The following MDGA2 variants were observed in gnomAD, a reference collection of about 807,000 sequenced individuals.
MDGA2 encodes MAM domain containing glycosylphosphatidylinositol anchor 2, also known as MAM domain-containing glycosylphosphatidylinositol anchor protein 2.
MDGA2 carries 40 observed loss-of-function variants against 117.8 expected under a neutral mutation model. The ratio of observed to expected loss-of-function variants is 0.34; its 90% CI spans 0.26 to 0.44. MDGA2 has a LOEUF of 0.44. Ranked by LOEUF, MDGA2 falls within the 20% of genes least tolerant of loss-of-function variation. The pLI, the probability that MDGA2 is intolerant of heterozygous loss-of-function variation, is 1.00. For synonymous variants in MDGA2, 452 were observed against 439.0 expected (o/e 1.03, Z -0.37); for missense variants, 1,123 against 1,250.6 (o/e 0.90, Z 1.54).
intron 12 of MDGA2, 45 bp from the exon 13 acceptor site, chr14:46,874,245 A>T: frequency 5.5e-6 from 5 of 916,090 alleles, no homozygotes; most frequent in Non-Finnish European, 7.4e-6. Context: ...AAATTAATAC[A>T]CATACTGCAA....
intron 5 of MDGA2, among the ~76,000 whole-genome samples, chr14:47,120,084 C>T (rs1206650333): frequency 2.0e-5 from 3 of 152,110 alleles, no homozygotes; most frequent in Admixed American, 6.6e-5. Flanking sequence ...GACGCTTCAC[C>T]GGGAAGACTA....
At chr14:47,428,809 CA>C (rs1892741673) in intron 1 of MDGA2, among the ~76,000 whole-genome samples, 2 of 151,710 alleles carry the variant, frequency 1.3e-5, no homozygotes, top group Non-Finnish European at 2.9e-5. Context: ...AAAATACATA[CA>C]TATATATATA....
intron 2 of MDGA2, among the ~76,000 whole-genome samples, chr14:47,254,251 C>G (rs1887545041): frequency 6.6e-6 from 1 of 152,240 alleles, no homozygotes; most frequent in Admixed American, 6.5e-5. Flanking sequence ...GCTTGAATTT[C>G]TCCTCAGAAA....
At chr14:47,663,626 A>C (rs1209066404) in intron 1 of MDGA2, among the ~76,000 whole-genome samples, 1 of 152,194 alleles carries the variant, frequency 6.6e-6, no homozygotes, top group African/African-American at 2.4e-5. Context: ...TTTTCAGTTA[A>C]TTCTAATTTA....
At chr14:47,022,926 C>T (rs1888337552) in intron 8 of MDGA2, among the ~76,000 whole-genome samples, 1 of 152,070 alleles carries the variant, frequency 6.6e-6, no homozygotes, top group Admixed American at 6.5e-5. Flanking sequence ...CCAAATAGAA[C>T]AATGCTTGCA....
At chr14:46,903,761 C>T (rs1426745577) in intron 10 of MDGA2, among the ~76,000 whole-genome samples, 1 of 151,984 alleles carries the variant, frequency 6.6e-6, no homozygotes, top group Admixed American at 6.6e-5. Context: ...GGCAAAAAGC[C>T]TACTTTATCT....
chr14:47,212,936 G>T (rs1885939522), intron 3 of MDGA2, among the ~76,000 whole-genome samples: 1 of 152,058 alleles, frequency 6.6e-6, no homozygotes, highest in East Asian at 1.9e-4. Context: ...AATCTGTCCC[G>T]GTTGCTTCTG....
chr14:47,055,620 A>G (rs1889647523), intron 7 of MDGA2, among the ~76,000 whole-genome samples: 1 of 152,164 alleles, frequency 6.6e-6, no homozygotes, highest in Non-Finnish European at 1.5e-5. Flanking sequence ...TTTGCTAGTA[A>G]GCCCATGAGG....
chr14:47,446,216 G>A (rs889198131), intron 1 of MDGA2, among the ~76,000 whole-genome samples: 6 of 152,084 alleles, frequency 3.9e-5, no homozygotes, highest in Non-Finnish European at 8.8e-5. Context: ...AGGTAACAAA[G>A]CAAAAACATC....
chr14:47,549,074 G>A (rs1196607474), intron 1 of MDGA2, among the ~76,000 whole-genome samples: 1 of 152,130 alleles, frequency 6.6e-6, no homozygotes, highest in East Asian at 1.9e-4. Context: ...ACAAATCAGT[G>A]AGGATGGAGT....
chr14:47,213,768 T>C (rs1885972866), intron 3 of MDGA2, among the ~76,000 whole-genome samples: 1 of 152,164 alleles, frequency 6.6e-6, no homozygotes, highest in Non-Finnish European at 1.5e-5. Context: ...TTTCTGAGAA[T>C]ACTATTAGTC....
chr14:47,488,452 G>A (rs1894103882), intron 1 of MDGA2, among the ~76,000 whole-genome samples: 1 of 151,950 alleles, frequency 6.6e-6, no homozygotes, highest in African/African-American at 2.4e-5. Flanking sequence ...GACTGATTTA[G>A]TCTTAACAAT....
At chr14:47,231,677 C>G (rs1886695419) in intron 2 of MDGA2, among the ~76,000 whole-genome samples, 1 of 150,600 alleles carries the variant, frequency 6.6e-6, no homozygotes, top group South Asian at 2.1e-4. Context: ...AATAACACTA[C>G]CTGGGTTTCT....
At chr14:47,148,590 CT>C (rs1883040056) in intron 3 of MDGA2, among the ~76,000 whole-genome samples, 1 of 152,134 alleles carries the variant, frequency 6.6e-6, no homozygotes, top group Non-Finnish European at 1.5e-5. Context: ...AATCTGGATC[CT>C]GTGTATGACA....
rs1191305840 is a variant in MDGA2 at position 46,969,959 on chromosome 14, T to C, written c.1820-12316A>G. On this transcript the variant is annotated intron_variant, in intron 8 of 16. Transcript: ENST00000399232. ...ATATATATATATATATATATATATA[T>C]ATATATATATATATATATGGAATAA... Among the ~76,000 whole-genome samples the C allele has an allele frequency of 1.8e-3, 84 of 46,194 alleles. 1 individual carries two copies. In the Middle Eastern group the frequency reaches 0.058, roughly 32 times the overall value. The allele number at this position is 46,194 out of a possible 152,430, so 30.3% of individuals were successfully genotyped here.
chr14:47,626,847 C>A (rs899478980), intron 1 of MDGA2, among the ~76,000 whole-genome samples: 1 of 152,240 alleles, frequency 6.6e-6, no homozygotes, highest in African/African-American at 2.4e-5. Context: ...GCGCCGCCCC[C>A]TGCTCCACAG....
chr14:47,287,816 A>G (rs150643400), intron 2 of MDGA2, among the ~76,000 whole-genome samples: 372 of 152,294 alleles, frequency 2.4e-3, no homozygotes, highest in Admixed American at 4.4e-3. Flanking sequence ...ATACTGGAAT[A>G]GAGTGAGCCC....
chr14:47,370,020 A>G (rs1566757829), intron 1 of MDGA2, among the ~76,000 whole-genome samples: 2 of 152,030 alleles, frequency 1.3e-5, no homozygotes, highest in Admixed American at 6.5e-5. Flanking sequence ...TAAATCTTCA[A>G]TAATTCTGAC....
chr14:46,843,526 AG>A (rs1880700496), intron 16 of MDGA2, among the ~76,000 whole-genome samples: 1 of 152,160 alleles, frequency 6.6e-6, no homozygotes, highest in African/African-American at 2.4e-5. Context: ...GGTTTTCTAA[AG>A]CAGAACTAGA....
Sources: gnomAD v4.1 joint callset for allele counts (sites outside exome capture counted in the v4.1 genomes callset) on GRCh38, gnomAD v4.1.1 for gene constraint, MANE v1.5 for transcripts, NCBI Gene and HGNC (gene_info 2026-07-23, HGNC 2026-07-21) for gene names.